ADAMTS20: variants seen among roughly 807,000 people sequenced by gnomAD.
ADAMTS20 encodes the protein ADAM metallopeptidase with thrombospondin type 1 motif 20, also known as A disintegrin and metalloproteinase with thrombospondin motifs 20.
Under a neutral mutation model 260.1 loss-of-function variants are expected in ADAMTS20, and 225 were observed. The ratio of observed to expected loss-of-function variants is 0.87; its 90% confidence interval spans 0.78 to 0.97. The LOEUF (loss-of-function observed/expected upper bound fraction) is 0.97, where lower values mean the gene tolerates loss of function less well. Ranked by LOEUF, ADAMTS20 falls within the 50% of genes least tolerant of loss-of-function variation. ADAMTS20 has a pLI of 0.00. For missense variants in ADAMTS20, 2,400 were observed against 2,337.7 expected (o/e 1.03, Z -0.55); for synonymous variants, 802 against 769.5 (o/e 1.04, Z -0.70).
chr12:43,508,642 G>A (rs1942878700), intron 3 of ADAMTS20, among the ~76,000 whole-genome samples: 1 of 151,940 alleles, frequency 6.6e-6, no homozygotes, highest in South Asian at 2.1e-4. Flanking sequence ...GTACATAGCA[G>A]GTATATATAT....
chr12:43,509,447 T>G (rs751218350), intron 3 of ADAMTS20, among the ~76,000 whole-genome samples: 18 of 152,196 alleles, frequency 1.2e-4, no homozygotes, highest in Middle Eastern at 3.4e-3. Context: ...GGCAAAGTAA[T>G]TGAACAATTT....
intron 3 of ADAMTS20, among the ~76,000 whole-genome samples, chr12:43,530,437 G>A (rs1439146377): frequency 6.6e-6 from 1 of 152,132 alleles, no homozygotes; most frequent in African/African-American, 2.4e-5. Context: ...CATATTAAAA[G>A]CATAAGAAAG....
chr12:43,362,775 T>C (rs1939899657), intron 37 of ADAMTS20, among the ~76,000 whole-genome samples: 1 of 148,056 alleles, frequency 6.8e-6, no homozygotes, highest in Admixed American at 6.8e-5. Flanking sequence ...CATGCATACA[T>C]ATGTAACAAA....
intron 3 of ADAMTS20, among the ~76,000 whole-genome samples, chr12:43,522,229 A>G (rs1445893699): frequency 6.6e-6 from 1 of 152,190 alleles, no homozygotes; most frequent in East Asian, 1.9e-4. Flanking sequence ...AAGTGCAAAC[A>G]GGAAATGCCA....
At chr12:43,523,323 C>A (rs771965531) in intron 3 of ADAMTS20, among the ~76,000 whole-genome samples, 1 of 152,188 alleles carries the variant, frequency 6.6e-6, no homozygotes, top group Non-Finnish European at 1.5e-5. Flanking sequence ...GAAGCCATTC[C>A]TTATTTTGTC....
chr12:43,438,933 C>T (rs111643740), intron 18 of ADAMTS20, among the ~76,000 whole-genome samples: 1 of 152,124 alleles, frequency 6.6e-6, no homozygotes, highest in Admixed American at 6.5e-5. Context: ...TATATTCATG[C>T]ATCTGTTTCA....
At chr12:43,449,885 T>A (rs1941833433) in intron 14 of ADAMTS20, among the ~76,000 whole-genome samples, 1 of 152,136 alleles carries the variant, frequency 6.6e-6, no homozygotes, top group African/African-American at 2.4e-5. Context: ...GTATCCCAGA[T>A]CTTCTGAATT....
At chr12:43,420,662 G>C (rs1335694976) in intron 28 of ADAMTS20, among the ~76,000 whole-genome samples, 1 of 151,912 alleles carries the variant, frequency 6.6e-6, no homozygotes, top group East Asian at 1.9e-4. Flanking sequence ...AGCTACAGGG[G>C]GAGGCAGAGC....
intron 14 of ADAMTS20, among the ~76,000 whole-genome samples, chr12:43,449,244 TTAA>T (rs1199698725): frequency 6.6e-6 from 1 of 152,128 alleles, no homozygotes; most frequent in Non-Finnish European, 1.5e-5. Context: ...TAAGTGTCCA[TTAA>T]TGGTAGACTG....
intron 32 of ADAMTS20, 143 bp from the exon 33 acceptor site, chr12:43,376,796 G>T (rs756850260): frequency 6.5e-6 from 6 of 922,512 alleles, no homozygotes; most frequent in Admixed American, 3.4e-5. Context: ...ACAAAACTAT[G>T]CTGGGGGCTG....
At chr12:43,442,359 G>C (rs1941682621) in intron 16 of ADAMTS20, among the ~76,000 whole-genome samples, 4 of 151,554 alleles carry the variant, frequency 2.6e-5, no homozygotes, top group Admixed American at 2.6e-4. Flanking sequence ...CCAGATTCCA[G>C]CGATTCTCCT....
chr12:43,480,430 C>T (rs1942423723), intron 7 of ADAMTS20, among the ~76,000 whole-genome samples: 1 of 152,128 alleles, frequency 6.6e-6, no homozygotes, highest in African/African-American at 2.4e-5. Context: ...ATTTCAGTTC[C>T]TTTCGATATA....
intron 7 of ADAMTS20, among the ~76,000 whole-genome samples, chr12:43,488,121 G>A (rs1942550428): frequency 6.6e-6 from 1 of 152,016 alleles, no homozygotes; most frequent in Non-Finnish European, 1.5e-5. Flanking sequence ...AGGTACAACT[G>A]ATTTTTTAGA....
intron 28 of ADAMTS20, among the ~76,000 whole-genome samples, chr12:43,413,724 T>A (rs2137276192): frequency 6.6e-6 from 1 of 152,346 alleles, no homozygotes; most frequent in Admixed American, 6.5e-5. Context: ...GAATGGATTC[T>A]AACTTCCAGA....
At chr12:43,484,443 T>C (rs963043216) in intron 7 of ADAMTS20, among the ~76,000 whole-genome samples, 1 of 152,020 alleles carries the variant, frequency 6.6e-6, no homozygotes, top group Non-Finnish European at 1.5e-5. Context: ...ATTCAGGATA[T>C]AAATTAAAAA....
chr12:43,409,601 C>CAAAAAAAAAAAAAAAAAA (rs67474640), intron 28 of ADAMTS20, among the ~76,000 whole-genome samples: 5 of 46,908 alleles, frequency 1.1e-4, no homozygotes, highest in African/African-American at 1.4e-4. Context: ...GACTCCGTCT[C>CAAAAAAAAAAAAAAAAAA]AAAAAAAAAA....
At chr12:43,389,451 C>T (rs1033070045) in intron 29 of ADAMTS20, among the ~76,000 whole-genome samples, 1 of 152,184 alleles carries the variant, frequency 6.6e-6, no homozygotes, top group African/African-American at 2.4e-5. Context: ...TGAGAATAAT[C>T]TTTGATGCAA....
chr12:43,392,426 A>T (rs904898901), intron 29 of ADAMTS20, among the ~76,000 whole-genome samples: 5 of 152,126 alleles, frequency 3.3e-5, no homozygotes, highest in African/African-American at 9.7e-5. Flanking sequence ...TGATCCTAGC[A>T]TGAGTTTTTA....
chr12:43,446,503 A>T, intron 15 of ADAMTS20, 92 bp downstream of exon 15: 1 of 983,518 alleles, frequency 1.0e-6, no homozygotes, highest in Non-Finnish European at 1.5e-6. Flanking sequence ...GAGTAGACAA[A>T]ACAGTAACAA....
Sources: gnomAD v4.1 joint callset for allele counts (sites outside exome capture counted in the v4.1 genomes callset) on GRCh38, gnomAD v4.1.1 for gene constraint, MANE v1.5 for transcripts, NCBI Gene and HGNC (gene_info 2026-07-23, HGNC 2026-07-21) for gene names.